The following PDE4D variants were observed in gnomAD, a reference collection of about 807,000 sequenced individuals.
The protein encoded by PDE4D is 3',5'-cyclic-AMP phosphodiesterase 4D.
Under a neutral mutation model 87.4 loss-of-function variants are expected in PDE4D, and 24 were observed. The ratio of observed to expected loss-of-function variants is 0.27; its 90% CI spans 0.20 to 0.39. The LOEUF (loss-of-function observed/expected upper bound fraction) is 0.39, where lower values mean the gene tolerates loss of function less well. Among genes scored for constraint, PDE4D ranks in the 10% least tolerant of loss-of-function variants. The pLI is 1.00. For synonymous variants in PDE4D, 384 were observed against 383.2 expected (o/e 1.00, Z -0.02); for missense variants, 714 against 1,041.0 (o/e 0.69, Z 4.32).
chr5:59,210,977 T>C (rs908397059), intron 2 of PDE4D, among the ~76,000 whole-genome samples: 5 of 152,190 alleles, frequency 3.3e-5, no homozygotes, highest in African/African-American at 1.2e-4. Flanking sequence ...AGATACTATA[T>C]TACTGGATGA....
At chr5:59,820,606 C>G (rs1769525958) in intron 1 of PDE4D, among the ~76,000 whole-genome samples, 1 of 152,114 alleles carries the variant, frequency 6.6e-6, no homozygotes, top group Non-Finnish European at 1.5e-5. Flanking sequence ...TAGCTAACAA[C>G]CTGGGGTATC....
At chr5:59,535,777 T>C (rs1309804893) in intron 1 of PDE4D, among the ~76,000 whole-genome samples, 1 of 152,170 alleles carries the variant, frequency 6.6e-6, no homozygotes, top group Non-Finnish European at 1.5e-5. Flanking sequence ...TTAAAAGGCA[T>C]CAGAGGAGCT....
chr5:59,809,113 G>A (rs1768058547), intron 1 of PDE4D, among the ~76,000 whole-genome samples: 1 of 152,172 alleles, frequency 6.6e-6, no homozygotes, highest in Admixed American at 6.5e-5. Flanking sequence ...TTAAATTTAA[G>A]TACCGTGCCT....
chr5:59,314,668 G>A (rs558592107), intron 1 of PDE4D: 41 of 152,262 alleles, frequency 2.7e-4, no homozygotes, highest in African/African-American at 9.9e-4. Context: ...GAGAATCTGT[G>A]ACCACGCTAA....
At position 60,065,833 on chromosome 5, in the gene PDE4D, G is replaced by A. The variant is rs369651500; in HGVS notation, c.43-77116C>T. On this transcript the variant is annotated intron_variant, in intron 2 of 16. Coordinates refer to the PDE4D transcript ENST00000502484. ...CCACATTTTCTTAATCCAGTCTATC[G>A]TTGTTGGACATTTACATTGGTTCCA... Among the ~76,000 whole-genome samples, 162 of 152,142 alleles carry A rather than the reference G, an allele frequency of 1.1e-3. 1 individual carries two copies. The East Asian group carries it at 0.021, about 19-fold the overall frequency.
At chr5:60,237,672 G>A (rs1343073867) in intron 1 of PDE4D, among the ~76,000 whole-genome samples, 1 of 152,030 alleles carries the variant, frequency 6.6e-6, no homozygotes, top group Non-Finnish European at 1.5e-5. Flanking sequence ...GATCATTGTA[G>A]TGATTGGGGC....
At chr5:59,127,725 G>A (rs1290914359) in intron 5 of PDE4D, among the ~76,000 whole-genome samples, 1 of 151,572 alleles carries the variant, frequency 6.6e-6, no homozygotes, top group Non-Finnish European at 1.5e-5. Context: ...TGATGACTCT[G>A]CTGACGTCAA....
intron 5 of PDE4D, among the ~76,000 whole-genome samples, chr5:59,042,632 C>T (rs1163306636): frequency 6.6e-6 from 1 of 152,166 alleles, no homozygotes; most frequent in African/African-American, 2.4e-5. Context: ...TGGCTAAACT[C>T]CCTAAAGGCT....
At chr5:60,039,886 A>G (rs1232610304) in intron 2 of PDE4D, among the ~76,000 whole-genome samples, 1 of 152,214 alleles carries the variant, frequency 6.6e-6, no homozygotes, top group Admixed American at 6.5e-5. Flanking sequence ...AGCCAGTTAC[A>G]GCACAATGGC....
At chr5:60,306,111 A>AGAATG (rs1339510029) in intron 1 of PDE4D, among the ~76,000 whole-genome samples, 1 of 152,120 alleles carries the variant, frequency 6.6e-6, no homozygotes, top group Non-Finnish European at 1.5e-5. Context: ...ATAAACCACA[A>AGAATG]GAATGCATAA....
chr5:60,082,491 T>C (rs1324419123), intron 2 of PDE4D, among the ~76,000 whole-genome samples: 1 of 152,204 alleles, frequency 6.6e-6, no homozygotes. Flanking sequence ...ACTAGGACAC[T>C]ATAGTCTCCT....
chr5:59,477,124 C>A (rs1803405422), intron 1 of PDE4D, among the ~76,000 whole-genome samples: 2 of 151,606 alleles, frequency 1.3e-5, no homozygotes, highest in Admixed American at 1.3e-4. Flanking sequence ...GTAAAAACCA[C>A]CTACAAAAAA....
intron 2 of PDE4D, among the ~76,000 whole-genome samples, chr5:60,119,395 C>T (rs1778460861): frequency 6.6e-6 from 1 of 152,120 alleles, no homozygotes; most frequent in African/African-American, 2.4e-5. Flanking sequence ...TTCTCTGTAA[C>T]CAAAGGCTGG....
rs1039217307 is a variant in PDE4D, at chr5:58,969,823, A to G, written c.*4841T>C. ...TCCCAGAATATTCAATTAAGTAAGT[A>G]TGGAAGGCCCCTTTCAAAGCTTGCT... On this transcript the variant is annotated 3_prime_UTR_variant, in exon 15 of 15. Coordinates refer to ENST00000340635, the MANE Select transcript of PDE4D (RefSeq NM_001104631.2). The G allele has an allele frequency of 1.3e-5, 2 of 152,178 alleles. No homozygotes were observed. The highest frequency in any genetic ancestry group is 4.8e-5 in the African/African-American group (2 of 41,448). The allele number at this position is 152,178 out of a possible 1,614,324, so 9.4% of individuals were successfully genotyped here.
At chr5:59,117,760 G>A (rs555427475) in intron 5 of PDE4D, among the ~76,000 whole-genome samples, 1 of 150,940 alleles carries the variant, frequency 6.6e-6, no homozygotes, top group East Asian at 2.0e-4. Flanking sequence ...CATGGGAGGA[G>A]TATTTGCACC....
At chr5:60,455,322 A>T (rs570841482) in intron 1 of PDE4D, among the ~76,000 whole-genome samples, 2 of 152,302 alleles carry the variant, frequency 1.3e-5, no homozygotes, top group South Asian at 4.1e-4. Flanking sequence ...TATCAATAAA[A>T]ATTAGCACAA....
chr5:59,360,242 A>G (rs527425453), intron 1 of PDE4D, among the ~76,000 whole-genome samples: 2 of 152,304 alleles, frequency 1.3e-5, no homozygotes, highest in Admixed American at 1.3e-4. Context: ...TCTAGTTAAC[A>G]GGCATACGGA....
intron 5 of PDE4D, among the ~76,000 whole-genome samples, chr5:59,134,853 T>A (rs1423050839): frequency 6.6e-6 from 1 of 152,202 alleles, no homozygotes; most frequent in Non-Finnish European, 1.5e-5. Context: ...GCTCCAAATG[T>A]ATGAGCTCTA....
intron 1 of PDE4D, among the ~76,000 whole-genome samples, chr5:59,228,081 A>T (rs1176816229): frequency 6.6e-6 from 1 of 152,202 alleles, no homozygotes; most frequent in Non-Finnish European, 1.5e-5. Context: ...CATAAAAAGG[A>T]ATGAGATCAT....
Sources: gnomAD v4.1 joint callset for allele counts (sites outside exome capture counted in the v4.1 genomes callset) on GRCh38, gnomAD v4.1.1 for gene constraint, MANE v1.5 for transcripts, NCBI Gene and HGNC (gene_info 2026-07-23, HGNC 2026-07-21) for gene names.